The following MAML2 variants were observed in gnomAD, a reference collection of about 807,000 sequenced individuals.
MAML2 encodes the protein mastermind-like protein 2.
In MAML2, 22 loss-of-function variants were observed where a neutral mutation model predicts 96.1. That is an observed-to-expected ratio of 0.23 (90% CI 0.16 to 0.33). The LOEUF is 0.33. Among genes scored for constraint, MAML2 ranks in the 10% least tolerant of loss-of-function variants. The pLI is 1.00. For missense variants in MAML2, 1,367 were observed against 1,392.4 expected (o/e 0.98, Z 0.29); for synonymous variants, 561 against 521.3 (o/e 1.08, Z -1.04).
intron 1 of MAML2, among the ~76,000 whole-genome samples, chr11:96,211,360 T>C (rs867533142): frequency 2.0e-5 from 3 of 151,974 alleles, no homozygotes; most frequent in African/African-American, 4.8e-5. Flanking sequence ...ATCTTAATAA[T>C]TGTCGTAAGT....
chr11:96,076,428 T>A (rs1338565089), intron 2 of MAML2, among the ~76,000 whole-genome samples: 4 of 88,318 alleles, frequency 4.5e-5, no homozygotes, highest in Non-Finnish European at 9.5e-5. Context: ...TCTCTCTCTC[T>A]CTCTCACACA....
chr11:96,069,829 C>A (rs1859312462), intron 2 of MAML2, among the ~76,000 whole-genome samples: 1 of 152,028 alleles, frequency 6.6e-6, no homozygotes, highest in Non-Finnish European at 1.5e-5. Flanking sequence ...TGGAGACCAT[C>A]CTGGCCAAGA....
At chr11:96,201,867 C>G (rs1301078033) in intron 1 of MAML2, among the ~76,000 whole-genome samples, 1 of 150,360 alleles carries the variant, frequency 6.7e-6, no homozygotes, top group Non-Finnish European at 1.5e-5. Flanking sequence ...TGCAGTGAGC[C>G]AATATCATGC....
intron 1 of MAML2, among the ~76,000 whole-genome samples, chr11:96,098,301 T>G (rs1859866011): frequency 6.6e-6 from 1 of 152,190 alleles, no homozygotes; most frequent in Non-Finnish European, 1.5e-5. Flanking sequence ...AACCATATCC[T>G]ATCAAATCAT....
intron 2 of MAML2, among the ~76,000 whole-genome samples, chr11:96,082,636 G>A (rs982093190): frequency 1.3e-5 from 2 of 152,174 alleles, no homozygotes; most frequent in African/African-American, 4.8e-5. Flanking sequence ...AAGGAGGTCT[G>A]GCAAAAGCAA....
At chr11:96,100,512 G>A (rs1320769185) in intron 1 of MAML2, among the ~76,000 whole-genome samples, 5 of 152,002 alleles carry the variant, frequency 3.3e-5, no homozygotes, top group African/African-American at 9.7e-5. Flanking sequence ...GTTTCACCAT[G>A]TTGGTCAGGC....
At chr11:95,988,924 T>A (rs1291868495) in intron 3 of MAML2, among the ~76,000 whole-genome samples, 1 of 152,202 alleles carries the variant, frequency 6.6e-6, no homozygotes, top group Non-Finnish European at 1.5e-5. Context: ...TCTGTTATAG[T>A]ACATATCTGT....
At chr11:96,041,712 C>G (rs1009066871) in intron 2 of MAML2, among the ~76,000 whole-genome samples, 7 of 151,814 alleles carry the variant, frequency 4.6e-5, no homozygotes, top group Non-Finnish European at 1.0e-4. Flanking sequence ...GGAAGCCAAA[C>G]TAGCTGGAGT....
chr11:96,198,985 CAGG>C (rs1469983975), intron 1 of MAML2, among the ~76,000 whole-genome samples: 1 of 151,456 alleles, frequency 6.6e-6, no homozygotes, highest in Non-Finnish European at 1.5e-5. Flanking sequence ...ATCACAAGGT[CAGG>C]AGTTCAAGAC....
intron 2 of MAML2, among the ~76,000 whole-genome samples, chr11:96,001,324 G>T (rs1328213645): frequency 1.3e-5 from 2 of 152,102 alleles, no homozygotes; most frequent in Admixed American, 1.3e-4. Flanking sequence ...GGAAGAGTTT[G>T]GTAACTCAGG....
chr11:96,059,331 A>G (rs1859118529), intron 2 of MAML2, among the ~76,000 whole-genome samples: 1 of 152,224 alleles, frequency 6.6e-6, no homozygotes, highest in Admixed American at 6.5e-5. Flanking sequence ...GCATGGCCAT[A>G]GGTGAGTAGA....
At chr11:96,254,946 G>A (rs997554273) in intron 1 of MAML2, among the ~76,000 whole-genome samples, 12 of 152,170 alleles carry the variant, frequency 7.9e-5, no homozygotes, top group African/African-American at 2.9e-4. Flanking sequence ...CTCCCGAGCA[G>A]CTGGGACTAC....
rs533036783 is a variant in MAML2, at chr11:96,030,077, C to CA, written c.2140-38355dup. Among the ~76,000 whole-genome samples, 25 of 152,046 alleles carry CA rather than the reference C, an allele frequency of 1.6e-4. No individual in the cohort carries two copies. The East Asian group carries it at 3.3e-3, about 20-fold the overall frequency. ...TGAAACCCCGTCTCTGCTAAAAATA[C>CA]AAAAAATTAGCCGGGCGTGGTAGCG... On this transcript the variant is annotated intron_variant, in intron 2 of 4. Coordinates refer to ENST00000524717, the MANE Select transcript of MAML2 (RefSeq NM_032427.4).
intron 2 of MAML2, among the ~76,000 whole-genome samples, chr11:96,061,861 C>A (rs113166407): frequency 2.6e-5 from 4 of 151,380 alleles, no homozygotes; most frequent in Admixed American, 6.6e-5. Context: ...ATCCTGCTTA[C>A]TCTTAATACA....
At chr11:96,312,373 C>A (rs2136005173) in intron 1 of MAML2, among the ~76,000 whole-genome samples, 1 of 152,170 alleles carries the variant, frequency 6.6e-6, no homozygotes, top group Admixed American at 6.5e-5. Flanking sequence ...CAATGAGAAT[C>A]CAGATAGGTG....
chr11:96,033,828 C>T (rs996240850), intron 2 of MAML2, among the ~76,000 whole-genome samples: 5 of 152,088 alleles, frequency 3.3e-5, no homozygotes, highest in African/African-American at 9.7e-5. Flanking sequence ...GGGAGATATT[C>T]CATTTGGATC....
At chr11:96,170,775 C>T (rs527430496) in intron 1 of MAML2, among the ~76,000 whole-genome samples, 7 of 152,188 alleles carry the variant, frequency 4.6e-5, no homozygotes, top group South Asian at 2.1e-4. Context: ...AGTGCAGTGG[C>T]GTGATCTTGG....
At chr11:95,989,292 C>T (rs1040011286) in intron 3 of MAML2, among the ~76,000 whole-genome samples, 5 of 152,136 alleles carry the variant, frequency 3.3e-5, no homozygotes, top group Non-Finnish European at 7.4e-5. Flanking sequence ...CAGACACCCT[C>T]AATGGTGTCC....
At chr11:95,991,965 T>C (rs1857921420) in intron 2 of MAML2, among the ~76,000 whole-genome samples, 1 of 152,224 alleles carries the variant, frequency 6.6e-6, no homozygotes, top group Non-Finnish European at 1.5e-5. Flanking sequence ...AGGACTCTGA[T>C]TGTGGAACCT....
Sources: gnomAD v4.1 joint callset for allele counts (sites outside exome capture counted in the v4.1 genomes callset) on GRCh38, gnomAD v4.1.1 for gene constraint, MANE v1.5 for transcripts, NCBI Gene and HGNC (gene_info 2026-07-23, HGNC 2026-07-21) for gene names.